Variants in CDH22 observed in about 807,000 individuals in gnomAD.
The protein encoded by CDH22 is cadherin-22.
A neutral mutation model predicts 58.4 loss-of-function variants in CDH22; 30 were observed. The ratio of observed to expected loss-of-function variants is 0.51; its 90% confidence interval spans 0.38 to 0.70. The LOEUF is 0.70. Ranked by LOEUF, CDH22 falls within the 30% of genes least tolerant of loss-of-function variation. CDH22 has a pLI of 0.00. For synonymous variants in CDH22, 513 were observed against 558.2 expected (o/e 0.92, Z 1.14); for missense variants, 1,014 against 1,233.9 (o/e 0.82, Z 2.67).
At chr20:46,239,638 T>C (rs1219754722) in intron 3 of CDH22, among the ~76,000 whole-genome samples, 4 of 152,358 alleles carry the variant, frequency 2.6e-5, no homozygotes, top group African/African-American at 7.2e-5. Flanking sequence ...AGGTACAGCA[T>C]CCAACTTTTG....
Position 46,194,798 on chromosome 20 carries a change from C to T in CDH22, c.1423+4625G>A, listed in dbSNP as rs573429840. Among the ~76,000 whole-genome samples the T allele has an allele frequency of 1.1e-4, 16 of 152,276 alleles. No individual in the cohort carries two copies. In the South Asian group the frequency reaches 1.2e-3, roughly 12 times the overall value. The stretch of plus-strand genomic sequence containing the variant: ...AGGCTGGAGTGCAGTGGTGCAATCT[C>T]GGCCCACTGCAACCTCCACCTCCTG... On this transcript the variant is annotated intron_variant, in intron 8 of 11. Coordinates refer to ENST00000537909, the MANE Select transcript of CDH22 (RefSeq NM_021248.3).
chr20:46,301,098 CA>C (rs1206523397), intron 1 of CDH22, among the ~76,000 whole-genome samples: 3 of 151,966 alleles, frequency 2.0e-5, no homozygotes, highest in African/African-American at 7.3e-5. Flanking sequence ...CTATATATGT[CA>C]AGAAGGATAT....
rs552736935 is a variant in CDH22, at chr20:46,181,131, T to C, written c.1664-2934A>G. 3.9e-5 allele frequency among the ~76,000 whole-genome samples: 6 copies of C among 152,242 alleles called. No individual in the cohort carries two copies. The South Asian group carries it at 1.2e-3, about 32-fold the overall frequency. ...GTGCTAGGCACCATGCTAGTCGCCATGAGAAAACAATAGAGAGCTACACCA... is the reference window on the plus strand; with the variant it reads ...GTGCTAGGCACCATGCTAGTCGCCACGAGAAAACAATAGAGAGCTACACCA... On this transcript the variant is annotated intron_variant, in intron 10 of 11. Transcript: ENST00000537909.
At chr20:46,295,731 G>T (rs2086626153) in intron 1 of CDH22, among the ~76,000 whole-genome samples, 1 of 152,154 alleles carries the variant, frequency 6.6e-6, no homozygotes, top group Non-Finnish European at 1.5e-5. Context: ...TTGCCTGATA[G>T]TCAAAAGACT....
At chr20:46,280,694 G>A (rs2086546828) in intron 1 of CDH22, among the ~76,000 whole-genome samples, 1 of 152,232 alleles carries the variant, frequency 6.6e-6, no homozygotes, top group Non-Finnish European at 1.5e-5. Flanking sequence ...ACCTGGATTT[G>A]AATGTCAGTT....
chr20:46,200,965 C>G (rs991055919), intron 7 of CDH22, among the ~76,000 whole-genome samples: 3 of 152,202 alleles, frequency 2.0e-5, no homozygotes, highest in African/African-American at 7.2e-5. Flanking sequence ...GCAGCACGCG[C>G]GAGCTAATCT....
At chr20:46,302,028 G>C (rs1348194162) in intron 1 of CDH22, among the ~76,000 whole-genome samples, 1 of 152,186 alleles carries the variant, frequency 6.6e-6, no homozygotes, top group Non-Finnish European at 1.5e-5. Context: ...GGAGGGGCCA[G>C]GCAACCCTGG....
At chr20:46,289,551 C>T (rs947177137) in intron 1 of CDH22, among the ~76,000 whole-genome samples, 38 of 152,218 alleles carry the variant, frequency 2.5e-4, no homozygotes, top group African/African-American at 8.0e-4. Flanking sequence ...CTGTCTCCCC[C>T]AGCAGACAGC....
intron 1 of CDH22, among the ~76,000 whole-genome samples, chr20:46,291,389 T>C (rs1050029937): frequency 6.6e-6 from 1 of 152,260 alleles, no homozygotes; most frequent in Non-Finnish European, 1.5e-5. Flanking sequence ...ATCTGTTAAC[T>C]CATTTTTAAT....
At chr20:46,195,276 CTG>C (rs1261829637) in intron 8 of CDH22, among the ~76,000 whole-genome samples, 7 of 152,222 alleles carry the variant, frequency 4.6e-5, no homozygotes, top group Admixed American at 4.6e-4. Flanking sequence ...TGTGCCTGGC[CTG>C]TGTGTGCTGC....
chr20:46,306,110 G>C (rs984108991), intron 1 of CDH22, among the ~76,000 whole-genome samples: 4 of 152,236 alleles, frequency 2.6e-5, no homozygotes, highest in African/African-American at 9.6e-5. Flanking sequence ...GCTTTCCTCC[G>C]GCACTGGCCT....
At chr20:46,254,779 G>A (rs111490254) in intron 1 of CDH22, among the ~76,000 whole-genome samples, 19 of 152,286 alleles carry the variant, frequency 1.2e-4, no homozygotes, top group African/African-American at 4.6e-4. Context: ...CTCAGAGGAG[G>A]TGGCATTGGG....
At chr20:46,217,062 C>T in intron 4 of CDH22, 69 bp from the exon 5 acceptor site, 1 of 1,484,724 alleles carries the variant, frequency 6.7e-7, no homozygotes, top group Middle Eastern at 2.1e-4. Flanking sequence ...GACCCCTGTA[C>T]AGGCGGGATT....
intron 7 of CDH22, among the ~76,000 whole-genome samples, chr20:46,201,156 G>T (rs540933550): frequency 2.0e-5 from 3 of 152,240 alleles, no homozygotes; most frequent in Admixed American, 2.0e-4. Context: ...TGGGGGCGCC[G>T]CGAGGCTGCG....
intron 2 of CDH22, among the ~76,000 whole-genome samples, chr20:46,243,203 C>T (rs1302961140): frequency 6.6e-6 from 1 of 152,222 alleles, no homozygotes; most frequent in East Asian, 1.9e-4. Flanking sequence ...GACGAAAGCC[C>T]ATCCCCTGCC....
intron 1 of CDH22, among the ~76,000 whole-genome samples, chr20:46,287,472 C>T (rs1373648722): frequency 1.3e-5 from 2 of 151,996 alleles, no homozygotes; most frequent in Non-Finnish European, 2.9e-5. Context: ...TGTTCTCAGA[C>T]TGGAGTGTGG....
intron 1 of CDH22, among the ~76,000 whole-genome samples, chr20:46,274,249 G>A (rs2086506466): frequency 6.6e-6 from 1 of 152,094 alleles, no homozygotes; most frequent in African/African-American, 2.4e-5. Flanking sequence ...GAGGGGTAGG[G>A]ATATGACAGG....
At chr20:46,204,417 A>AAAAAAG (rs1380356797) in intron 7 of CDH22, among the ~76,000 whole-genome samples, 13 of 113,818 alleles carry the variant, frequency 1.1e-4, no homozygotes, top group African/African-American at 4.6e-4. Flanking sequence ...AAAAAAAAAA[A>AAAAAAG]AGAGAGAGAG....
chr20:46,208,735 AG>A (rs2086018361), intron 7 of CDH22, among the ~76,000 whole-genome samples: 1 of 152,164 alleles, frequency 6.6e-6, no homozygotes, highest in Non-Finnish European at 1.5e-5. Context: ...CTGTGACTAC[AG>A]GTGTGCGCTA....
Sources: allele counts gnomAD v4.1 joint callset (sites outside exome capture counted in the v4.1 genomes callset), GRCh38; gene constraint gnomAD v4.1.1; transcripts MANE v1.5; gene names NCBI Gene and HGNC (gene_info 2026-07-23, HGNC 2026-07-21).